CACNB3: variants seen among roughly 807,000 people sequenced by gnomAD.
CACNB3 encodes calcium voltage-gated channel auxiliary subunit beta 3, also known as voltage-dependent L-type calcium channel subunit beta-3.
CACNB3 carries 36 observed loss-of-function variants against 63.7 expected under a neutral mutation model. That is an observed-to-expected ratio of 0.57 (90% CI 0.43 to 0.75). The LOEUF is 0.75. Ranked by LOEUF, CACNB3 falls within the 30% of genes least tolerant of loss-of-function variation. The pLI is 0.00. For synonymous variants in CACNB3, 241 were observed against 250.6 expected (o/e 0.96, Z 0.36); for missense variants, 493 against 648.6 (o/e 0.76, Z 2.61).
At chr12:48,819,108 A>C in intron 1 of CACNB3, 134 bp downstream of exon 1, 3 of 908,526 alleles carry the variant, frequency 3.3e-6, no homozygotes, top group Non-Finnish European at 5.0e-6. Context: ...CGCTCTAAGA[A>C]CGTGGGGAGA....
chr12:48,815,871 C>T, upstream of CACNB3: 2 of 694,698 alleles, frequency 2.9e-6, no homozygotes, highest in Middle Eastern at 3.3e-4. Flanking sequence ...GAAGTGAGGC[C>T]AGGGGTGGAA....
At chr12:48,819,588 G>A (rs1295267489) in intron 1 of CACNB3, 2 of 405,966 alleles carry the variant, frequency 4.9e-6, no homozygotes, top group South Asian at 1.7e-5. Flanking sequence ...AAACCTGGGC[G>A]CCCAGCACAT....
At chr12:48,814,953 GA>G (rs772562279), upstream of CACNB3, 4 of 192,886 alleles carry the variant, frequency 2.1e-5, no homozygotes, top group East Asian at 1.2e-4. This position sits in a 1 kb window ranked among gnomAD's most constrained non-coding sequence, Gnocchi z 6.9. Flanking sequence ...GAACCCAGGA[GA>G]GGGGGGAGAC....
Position 48,823,814 on chromosome 12 carries a change from C to G in CACNB3, c.291+11C>G. The stretch of plus-strand genomic sequence containing the variant: ...CTGCACATTAAAGAGGTGATCGACC[C>G]CCCTACTTCCAGAAGCCTCTAACTT... On this transcript the variant is annotated intron_variant, in intron 3 of 12. Transcript: ENST00000301050. The surrounding 1 kb of genome is among the most constrained non-coding windows in gnomAD (Gnocchi z 4.2). 1.2e-6 allele frequency: 2 copies of G among 1,613,756 alleles called. No individual in the cohort carries two copies. Among genetic ancestry groups the G allele is most frequent in the Non-Finnish European group, 1.7e-6 (2 of 1,179,874 alleles).
chr12:48,825,336 C>T lies in CACNB3; in HGVS notation c.573+93C>T. On this transcript the variant is annotated intron_variant, in intron 7 of 12. Transcript: ENST00000301050. The surrounding 1 kb of genome is among the most constrained non-coding windows in gnomAD (Gnocchi z 4.5). Reference sequence around the variant, plus strand: ...AGTGGAAGGGGTGTGTCTCCTCCGTCCAGGGTGTGTATGTGGAGCGCATTG... The same window carrying T: ...AGTGGAAGGGGTGTGTCTCCTCCGTTCAGGGTGTGTATGTGGAGCGCATTG... 6.4e-7 allele frequency: 1 copy of T among 1,568,022 alleles called. No homozygotes were observed. Among genetic ancestry groups the T allele is most frequent in the Non-Finnish European group, 8.8e-7 (1 of 1,138,916 alleles).
chr12:48,820,957 G>T (rs1454624981), intron 1 of CACNB3: 1 of 152,164 alleles, frequency 6.6e-6, no homozygotes, highest in Non-Finnish European at 1.5e-5. Context: ...GGTGGCCGAG[G>T]TAGATCACTT....
chr12:48,815,807 A>G, upstream of CACNB3: 4 of 946,852 alleles, frequency 4.2e-6, no homozygotes, highest in South Asian at 2.8e-5. Flanking sequence ...CAAGCTAGGA[A>G]GGGGGCACGC....
upstream of CACNB3, chr12:48,818,410 C>G (rs1942343263): frequency 1.0e-6 from 1 of 981,664 alleles, no homozygotes; most frequent in South Asian, 4.7e-5. The surrounding 1 kb of genome is among the most constrained non-coding windows in gnomAD (Gnocchi z 4.3). Flanking sequence ...CGGAGTAGTT[C>G]CTGGGTTGCC....
At position 48,826,306 on chromosome 12, in the gene CACNB3, C is replaced by T; in HGVS notation, c.743-61C>T. ...GTCCACCATTCGGGAGCCCTCAAAGCCTGCTGGAGTGAGCAGTGGGCAGAG... is the reference window on the plus strand; with the variant it reads ...GTCCACCATTCGGGAGCCCTCAAAGTCTGCTGGAGTGAGCAGTGGGCAGAG... On this transcript the variant is annotated intron_variant, in intron 9 of 12. Coordinates refer to ENST00000301050, the MANE Select transcript of CACNB3 (RefSeq NM_000725.4). This position sits in a 1 kb window ranked among gnomAD's most constrained non-coding sequence, Gnocchi z 4.8. The T allele has an allele frequency of 6.3e-7, 1 of 1,577,090 alleles. No homozygotes were observed.
rs777250733 is a variant in CACNB3, at chr12:48,823,660, A to G, written c.169-21A>G. The G allele has an allele frequency of 6.2e-7, 1 of 1,613,938 alleles. No homozygotes were observed. Among genetic ancestry groups the G allele is most frequent in the Non-Finnish European group, 8.5e-7 (1 of 1,179,998 alleles). On this transcript the variant is annotated intron_variant, in intron 2 of 12. Coordinates refer to ENST00000301050, the MANE Select transcript of CACNB3 (RefSeq NM_000725.4). This position sits in a 1 kb window ranked among gnomAD's most constrained non-coding sequence, Gnocchi z 4.2. The stretch of plus-strand genomic sequence containing the variant: ...GTGCTTCGAGCCTTCTCTCACTTGC[A>G]CTAATGGGCAAATTCTCCAGCACAA...
At position 48,826,346 on chromosome 12, in the gene CACNB3, T is replaced by G. The variant is rs1239338795; in HGVS notation, c.743-21T>G. ...AGTGGGCAGAGCTCCTGGTGAGCACTGCTGCTGCCTCCCTCCATAGCGGAA... is the reference window on the plus strand; with the variant it reads ...AGTGGGCAGAGCTCCTGGTGAGCACGGCTGCTGCCTCCCTCCATAGCGGAA... On this transcript the variant is annotated intron_variant, in intron 9 of 12. Transcript: ENST00000301050. This position sits in a 1 kb window ranked among gnomAD's most constrained non-coding sequence, Gnocchi z 4.8. The G allele has an allele frequency of 6.2e-7, 1 of 1,613,856 alleles. No homozygotes were observed. Among genetic ancestry groups the G allele is most frequent in the African/African-American group, 1.3e-5 (1 of 75,046 alleles).
In CACNB3 at chr12:48,824,390, G is replaced by A; in HGVS notation, c.407+17G>A. 6.3e-7 allele frequency: 1 copy of A among 1,579,734 alleles called. No individual in the cohort carries two copies. Among genetic ancestry groups the A allele is most frequent in the South Asian group, 1.2e-5 (1 of 86,636 alleles). On this transcript the variant is annotated intron_variant, in intron 4 of 12. Coordinates refer to ENST00000301050, the MANE Select transcript of CACNB3 (RefSeq NM_000725.4). Reference sequence around the variant, plus strand: ...GAAGGCCAGGTGAGAGTTGGGCCATGAGTCAGTAAACACACCCCAAACACT... The same window carrying A: ...GAAGGCCAGGTGAGAGTTGGGCCATAAGTCAGTAAACACACCCCAAACACT...
chr12:48,814,480 G>C (rs1246657775), upstream of CACNB3: 12 of 1,528,242 alleles, frequency 7.9e-6, no homozygotes, highest in Non-Finnish European at 1.1e-5. The surrounding 1 kb of genome is among the most constrained non-coding windows in gnomAD (Gnocchi z 6.9). Context: ...CCGCGACTCT[G>C]TACTCCCTGC....
chr12:48,827,949 G>T lies in CACNB3; in HGVS notation c.*50G>T. 6.6e-7 allele frequency: 1 copy of T among 1,510,080 alleles called. No homozygotes were observed. Among genetic ancestry groups the T allele is most frequent in the Non-Finnish European group, 9.1e-7 (1 of 1,099,544 alleles). The allele number at this position is 1,510,080 out of a possible 1,614,324, so 93.5% of individuals were successfully genotyped here. On this transcript the variant is annotated 3_prime_UTR_variant, in exon 13 of 13. Transcript: ENST00000301050. ...CAGGCACAGGCGCAGCTGGCTGGGG[G>T]GCCCACTCCAGGCAGGGTGGCGTTA...
chr12:48,827,987 G>A lies in CACNB3; in HGVS notation c.*88G>A. On this transcript the variant is annotated 3_prime_UTR_variant, in exon 13 of 13. Coordinates refer to ENST00000301050, the MANE Select transcript of CACNB3 (RefSeq NM_000725.4). ...CAGGGTGGCGTTAGACTGGCATCAG[G>A]CTGGCACTAGGCTCAGCCCCCAAAA... 7.0e-6 allele frequency: 8 copies of A among 1,139,656 alleles called. 1 individual carries two copies. The highest frequency in any genetic ancestry group is 1.0e-5 in the Non-Finnish European group (8 of 787,894). The allele number at this position is 1,139,656 out of a possible 1,614,324, so 70.6% of individuals were successfully genotyped here.
intron 1 of CACNB3, chr12:48,820,809 C>G (rs1937809543): frequency 6.6e-6 from 1 of 152,206 alleles, no homozygotes; most frequent in African/African-American, 2.4e-5. Context: ...ATTCTGAGCA[C>G]AACTCATTAA....
Position 48,823,446 on chromosome 12 carries a change from C to G in CACNB3, c.148C>G (p.Gln50Glu). ...GCGTGAAGTAGAGAGCCAGGCTCAG[C>G]AGCAGCTCGAAAGGGCCAAGGTATA... ...ARREVESQAQ[Q>E]QLERAKHKPV... The change falls in exon 2 of 13, where the codon CAG becomes GAG. Residue 50 changes from glutamine (Q) to glutamate (E), a missense_variant. Physicochemically the swap from Gln to Glu is conservative, Grantham distance 29. Coordinates refer to ENST00000301050, the MANE Select transcript of CACNB3 (RefSeq NM_000725.4). The surrounding 1 kb of genome is among the most constrained non-coding windows in gnomAD (Gnocchi z 4.2). The G allele has an allele frequency of 6.2e-7, 1 of 1,614,066 alleles. No homozygotes were observed. The highest frequency in any genetic ancestry group is 8.5e-7 in the Non-Finnish European group (1 of 1,179,976).
At chr12:48,819,296 C>A (rs1359441150) in intron 1 of CACNB3, among the ~76,000 whole-genome samples, 4 of 152,130 alleles carry the variant, frequency 2.6e-5, no homozygotes, top group East Asian at 1.9e-4. Flanking sequence ...GGAGAGGGAA[C>A]ACGCCATGTC....
In CACNB3 at chr12:48,818,941, C is replaced by T. The variant is rs1161516588; in HGVS notation, c.12C>T (p.Asp4=). The part of the protein sequence containing the change: MYD[D]SYVPGFEDSE... ...ACCCGGACTCCCCCATGTATGACGA[C>T]TCCTACGTGCCCGGGTTTGAGGACT... The change falls in exon 1 of 13, where the codon GAC becomes GAT. Residue 4 remains aspartate (D), a synonymous_variant. Transcript: ENST00000301050. The surrounding 1 kb of genome is among the most constrained non-coding windows in gnomAD (Gnocchi z 4.3). The T allele has an allele frequency of 7.5e-6, 12 of 1,601,540 alleles. No homozygotes were observed. The highest frequency in any genetic ancestry group is 9.4e-6 in the Non-Finnish European group (11 of 1,174,296).
Sources: allele counts gnomAD v4.1 joint callset (sites outside exome capture counted in the v4.1 genomes callset), GRCh38; gene constraint gnomAD v4.1.1; non-coding constraint Gnocchi (gnomAD v3.1); transcripts MANE v1.5; gene names NCBI Gene and HGNC (gene_info 2026-07-23, HGNC 2026-07-21).